Variants in ABCD2 observed in about 807,000 individuals in gnomAD.
ABCD2 encodes the protein ATP binding cassette subfamily D member 2.
ABCD2 carries 36 observed loss-of-function variants against 70.9 expected under a neutral mutation model. The ratio of observed to expected loss-of-function variants is 0.51; its 90% CI spans 0.39 to 0.67. The LOEUF (loss-of-function observed/expected upper bound fraction) is 0.67. Ranked by LOEUF, ABCD2 falls within the 30% of genes least tolerant of loss-of-function variation. The pLI, the probability that ABCD2 is intolerant of heterozygous loss-of-function variation, is 0.00. For synonymous variants in ABCD2, 304 were observed against 306.9 expected (o/e 0.99, Z 0.10); for missense variants, 729 against 890.2 (o/e 0.82, Z 2.30).
chr12:39,588,572 A>T (rs1443221839), intron 6 of ABCD2, among the ~76,000 whole-genome samples: 1 of 152,220 alleles, frequency 6.6e-6, no homozygotes, highest in African/African-American at 2.4e-5. Flanking sequence ...GAGGGCGTGG[A>T]TTGCCAATAC....
Position 39,603,843 on chromosome 12 carries a change from A to G in ABCD2, c.1500+69T>C, listed in dbSNP as rs1470054488. The G allele has an allele frequency of 2.6e-6, 3 of 1,146,766 alleles. No homozygotes were observed. In the Admixed American group the frequency reaches 5.5e-5, roughly 21 times the overall value. The allele number at this position is 1,146,766 out of a possible 1,614,324, so 71.0% of individuals were successfully genotyped here. Reference sequence around the variant, plus strand: ...CTCCTCCAAGTATTTAACATAAGGTACATGAATTCTGAGTTGTTTTGTATT... The same window carrying G: ...CTCCTCCAAGTATTTAACATAAGGTGCATGAATTCTGAGTTGTTTTGTATT... On this transcript the variant is annotated intron_variant, in intron 5 of 9. Transcript: ENST00000308666.
At chr12:39,542,100 G>A in the ABCD2 span, among the ~76,000 whole-genome samples, 94 of 152,206 alleles carry the variant, frequency 6.2e-4, no homozygotes, top group African/African-American at 2.1e-3. Context: ...CATGCATTGA[G>A]CTGGATGTTT....
the ABCD2 span, among the ~76,000 whole-genome samples, chr12:39,544,794 T>C: frequency 6.6e-6 from 1 of 152,212 alleles, no homozygotes; most frequent in Non-Finnish European, 1.5e-5. Context: ...GCTTTGCAAC[T>C]GTCTGAGTGT....
At chr12:39,575,707 T>C (rs1941507152) in intron 8 of ABCD2, among the ~76,000 whole-genome samples, 1 of 152,238 alleles carries the variant, frequency 6.6e-6, no homozygotes. Context: ...TTTCCTATTG[T>C]TAAACTTTCT....
intron 2 of ABCD2, 31 bp from the exon 3 acceptor site, chr12:39,607,745 G>GTTTTTTTTTT: frequency 1.3e-6 from 1 of 775,078 alleles, no homozygotes; most frequent in Non-Finnish European, 1.9e-6. Flanking sequence ...CAAAACTTGA[G>GTTTTTTTTTT]TTTTTTTTTT....
At chr12:39,565,475 A>G (rs1420540973) in intron 9 of ABCD2, among the ~76,000 whole-genome samples, 2 of 152,130 alleles carry the variant, frequency 1.3e-5, no homozygotes, top group Admixed American at 6.5e-5. Flanking sequence ...TTGCATATCG[A>G]TTTTGTATCC....
downstream of ABCD2, among the ~76,000 whole-genome samples, chr12:39,545,386 G>A (rs992140871): frequency 3.3e-5 from 5 of 152,034 alleles, no homozygotes; most frequent in African/African-American, 1.2e-4. Context: ...TCCGCCTCCC[G>A]GGTTCAAGCG....
the ABCD2 span, among the ~76,000 whole-genome samples, chr12:39,533,682 T>G: frequency 6.8e-3 from 1,034 of 152,312 alleles, 6 homozygotes; most frequent in South Asian, 0.025. Context: ...AAAAATTACT[T>G]TAGAATGTCA....
chr12:39,568,593 T>A (rs1432009162), intron 9 of ABCD2, among the ~76,000 whole-genome samples: 1 of 151,974 alleles, frequency 6.6e-6, no homozygotes, highest in East Asian at 1.9e-4. Flanking sequence ...TAGCTCGGAG[T>A]AGTTTGATCA....
downstream of ABCD2, among the ~76,000 whole-genome samples, chr12:39,548,362 G>A (rs530771716): frequency 7.2e-5 from 11 of 152,052 alleles, no homozygotes; most frequent in African/African-American, 2.2e-4. Flanking sequence ...CCCCCTCTTA[G>A]GTCAAGGAGC....
At chr12:39,600,482 A>T in intron 6 of ABCD2, 89 bp downstream of exon 6, 1 of 1,211,560 alleles carries the variant, frequency 8.3e-7, no homozygotes, top group Non-Finnish European at 1.1e-6. Flanking sequence ...AAACATTCTT[A>T]AAGATATATA....
chr12:39,593,953 A>G (rs1329388500), intron 6 of ABCD2, among the ~76,000 whole-genome samples: 1 of 152,220 alleles, frequency 6.6e-6, no homozygotes, highest in Non-Finnish European at 1.5e-5. Context: ...TCACTTTCAT[A>G]TGAGAATATA....
At chr12:39,566,250 G>C (rs545334779) in intron 9 of ABCD2, among the ~76,000 whole-genome samples, 1 of 152,080 alleles carries the variant, frequency 6.6e-6, no homozygotes, top group African/African-American at 2.4e-5. Flanking sequence ...CTGTGAATCC[G>C]TCTGGTCCTG....
chr12:39,607,662 A>T lies in ABCD2; in HGVS notation c.1173T>A (p.Thr391=). ...MVSERTEAFT[T]ARNLLASGAD... The stretch of plus-strand genomic sequence containing the variant: ...CTCCAGAGGCCAGTAAATTTCGAGC[A>T]GTGGTAAAGGCTTCTGTCCGTTCAC... Residue 391 remains threonine (T), a synonymous_variant, in exon 3 of 10, where the codon ACT becomes ACA. Coordinates refer to ENST00000308666, the MANE Select transcript of ABCD2 (RefSeq NM_005164.4). The T allele has an allele frequency of 6.2e-7, 1 of 1,613,724 alleles. No individual in the cohort carries two copies. The highest frequency in any genetic ancestry group is 8.5e-7 in the Non-Finnish European group (1 of 1,179,842).
chr12:39,584,755 C>T (rs1386000866), intron 7 of ABCD2, among the ~76,000 whole-genome samples: 2 of 152,200 alleles, frequency 1.3e-5, no homozygotes, highest in Non-Finnish European at 2.9e-5. Context: ...GTTATCACAG[C>T]ACCATTTATT....
At position 39,616,980 on chromosome 12, in the gene ABCD2, G is replaced by A. The variant is rs370602250; in HGVS notation, c.1120+8C>T. 5.2e-5 allele frequency: 82 copies of A among 1,571,048 alleles called. No homozygotes were observed. The African/African-American group carries it at 9.9e-4, about 19-fold the overall frequency. Reference sequence around the variant, plus strand: ...AATATATTTGAGATTAAGCATAAATGTCATTACCACCATCTGCAAAGCCAG... The same window carrying A: ...AATATATTTGAGATTAAGCATAAATATCATTACCACCATCTGCAAAGCCAG... On this transcript the variant is annotated splice_region_variant and intron_variant, in intron 2 of 9. Transcript: ENST00000308666.
the ABCD2 span, among the ~76,000 whole-genome samples, chr12:39,531,871 G>T: frequency 6.6e-6 from 1 of 152,224 alleles, no homozygotes; most frequent in Non-Finnish European, 1.5e-5. Context: ...GCCCAGGGGC[G>T]CCTGGATTGA....
At chr12:39,605,377 G>A (rs565235008) in intron 3 of ABCD2, among the ~76,000 whole-genome samples, 3 of 152,068 alleles carry the variant, frequency 2.0e-5, no homozygotes, top group Non-Finnish European at 4.4e-5. Context: ...ATGTTTCTGA[G>A]CCAAATTGAT....
At chr12:39,560,184 C>T (rs779279043) in intron 9 of ABCD2, among the ~76,000 whole-genome samples, 34 of 152,088 alleles carry the variant, frequency 2.2e-4, no homozygotes, top group African/African-American at 7.0e-4. Flanking sequence ...CAACAGGCCC[C>T]GGTGTGTGAT....
Sources: gnomAD v4.1 joint callset for allele counts (sites outside exome capture counted in the v4.1 genomes callset) on GRCh38, gnomAD v4.1.1 for gene constraint, MANE v1.5 for transcripts, NCBI Gene and HGNC (gene_info 2026-07-23, HGNC 2026-07-21) for gene names.